PAFAH2: variants seen among roughly 807,000 people sequenced by gnomAD.
The protein encoded by PAFAH2 is platelet activating factor acetylhydrolase 2, also known as platelet-activating factor acetylhydrolase 2, cytoplasmic.
In PAFAH2, 42 loss-of-function variants were observed where a neutral mutation model predicts 49.0. The ratio of observed to expected loss-of-function variants is 0.86; its 90% CI spans 0.67 to 1.11. PAFAH2 has a LOEUF of 1.11. Ranked by LOEUF, PAFAH2 falls within the 50% of genes least tolerant of loss-of-function variation. The probability of loss-of-function intolerance (pLI) is 0.00; values close to 1 mark genes in which losing one functional copy is unlikely to be tolerated. For missense variants in PAFAH2, 503 were observed against 501.8 expected (o/e 1.00, Z -0.02); for synonymous variants, 184 against 181.3 (o/e 1.01, Z -0.12).
At chr1:25,982,315 G>A (rs769770881) in intron 7 of PAFAH2, 49 bp downstream of exon 7, 8 of 1,348,042 alleles carry the variant, frequency 5.9e-6, no homozygotes, top group East Asian at 4.6e-5. Flanking sequence ...ACTTGTAACC[G>A]AGAAAACCCT....
At chr1:25,982,551 G>T in intron 6 of PAFAH2, 74 bp from the exon 7 acceptor site, 1 of 1,176,068 alleles carries the variant, frequency 8.5e-7, no homozygotes, top group African/African-American at 1.5e-5. Flanking sequence ...CACGTACAGA[G>T]CCAAGGAAGA....
chr1:25,965,748 G>A (rs1390689868), intron 10 of PAFAH2, among the ~76,000 whole-genome samples: 1 of 147,574 alleles, frequency 6.8e-6, no homozygotes, highest in Non-Finnish European at 1.5e-5. Context: ...AACCTGGGGG[G>A]CAGAGGTCAC....
rs139372707 is a variant in PAFAH2 at position 25,988,297 on chromosome 1, C to T, written c.275G>A (p.Gly92Asp). The change falls in exon 4 of 11, where the codon GGC (glycine) becomes GAC (aspartate). Residue 92 changes from glycine (G) to aspartate (D), a missense_variant. Physicochemically the swap from Gly to Asp is moderately conservative, Grantham distance 94. Coordinates refer to ENST00000374282, the MANE Select transcript of PAFAH2 (RefSeq NM_000437.4). ...TCCAGAGTCCTTTGTCTTAAAGGGG[C>T]CATTCCAGCTAACAGGCAGGCGACA... ...GSCRLPVSWN[G>D]PFKTKDSGYP... The T allele has an allele frequency of 7.1e-5, 114 of 1,610,894 alleles. 1 individual carries two copies. The Middle Eastern group carries it at 1.5e-3, about 21-fold the overall frequency.
chr1:25,978,196 T>C (rs1250696429), intron 7 of PAFAH2, among the ~76,000 whole-genome samples: 2 of 151,968 alleles, frequency 1.3e-5, no homozygotes, highest in African/African-American at 4.8e-5. Flanking sequence ...GGATGGCCTC[T>C]TCAACATTAA....
At chr1:25,992,534 C>A (rs2049890357) in intron 1 of PAFAH2, among the ~76,000 whole-genome samples, 2 of 152,144 alleles carry the variant, frequency 1.3e-5, no homozygotes, top group South Asian at 4.1e-4. Context: ...TTACTCTGTG[C>A]CAGGAACTAT....
At chr1:25,977,123 C>T (rs1482555010) in intron 7 of PAFAH2, among the ~76,000 whole-genome samples, 1 of 147,890 alleles carries the variant, frequency 6.8e-6, no homozygotes, top group Non-Finnish European at 1.5e-5. Context: ...CCCGGGTTCA[C>T]GCCATTCTCC....
intron 1 of PAFAH2, among the ~76,000 whole-genome samples, chr1:25,993,705 C>CT (rs1233535130): frequency 2.0e-5 from 3 of 152,124 alleles, no homozygotes; most frequent in African/African-American, 7.2e-5. Flanking sequence ...ATGAGCTCTG[C>CT]TTAGCCTGAG....
rs781026566 is a variant in PAFAH2 at position 25,989,645 on chromosome 1, G to A, written c.91-44C>T. On this transcript the variant is annotated intron_variant, in intron 2 of 10. Coordinates refer to ENST00000374282, the MANE Select transcript of PAFAH2 (RefSeq NM_000437.4). ...CAGCTGCTCAGAGCAAGGAGCCCAG[G>A]CTAGATTTCCCAACAGCCACACTCA... 1.3e-5 allele frequency: 18 copies of A among 1,404,536 alleles called. No homozygotes were observed. In the Admixed American group the frequency reaches 5.6e-4, roughly 43 times the overall value. 87.0% of individuals were successfully genotyped at this position (1,404,536 alleles called of 1,614,324 possible). A position where few individuals can be genotyped will look rare whatever the true frequency, so the allele number is the denominator to read the frequency against.
rs184455179 is a variant in PAFAH2 at position 25,978,143 on chromosome 1, A to C, written c.667-1370T>G. ...GTCTATTCCAAGGCTTTGTACCTAA[A>C]TCCTCCCCCTTCACTCAGTACCCTC... is the stretch of plus-strand genomic sequence containing the variant. On this transcript the variant is annotated intron_variant, in intron 7 of 10. Coordinates refer to ENST00000374282, the MANE Select transcript of PAFAH2 (RefSeq NM_000437.4). 1.1e-3 allele frequency among the ~76,000 whole-genome samples: 170 copies of C among 152,070 alleles called. 2 individuals are homozygous for C. Among genetic ancestry groups the C allele is most frequent in the South Asian group, 2.5e-3 (12 of 4,820 alleles).
chr1:25,963,545 A>AC (rs2049373172), intron 10 of PAFAH2, among the ~76,000 whole-genome samples: 1 of 152,082 alleles, frequency 6.6e-6, no homozygotes, highest in Admixed American at 6.6e-5. Flanking sequence ...TTGCTCTGTC[A>AC]CCAGGCTGGA....
At chr1:25,975,854 A>C (rs2049580162) in intron 8 of PAFAH2, among the ~76,000 whole-genome samples, 1 of 152,148 alleles carries the variant, frequency 6.6e-6, no homozygotes, top group Non-Finnish European at 1.5e-5. Flanking sequence ...CTCTGTTGAA[A>C]ATCTTCAACA....
chr1:25,996,318 T>C lies in PAFAH2; in HGVS notation c.-48+1707A>G, dbSNP rs577507855. Among the ~76,000 whole-genome samples the C allele has an allele frequency of 9.2e-5, 14 of 152,168 alleles. No homozygotes were observed. The East Asian group carries it at 1.9e-3, about 21-fold the overall frequency. ...AGCCGGAGGCCACAGTGAACCAAGA[T>C]TGTGCCACTGCACTTCGGCCTGGGT... On this transcript the variant is annotated intron_variant, in intron 1 of 10. Coordinates refer to ENST00000374282, the MANE Select transcript of PAFAH2 (RefSeq NM_000437.4).
chr1:25,983,957 G>A lies in PAFAH2; in HGVS notation c.541C>T (p.Arg181Trp), dbSNP rs1203052098. The change falls in exon 6 of 11, where the codon CGG becomes TGG. Residue 181 changes from arginine to tryptophan, a missense_variant. Coordinates refer to ENST00000374282, the MANE Select transcript of PAFAH2 (RefSeq NM_000437.4). ...TGGCACAAACTTACCTGGGGATTCC[G>A]AACATGAAATTCCTTCTCCCCTTCC... ...VEEGEKEFHVRNPQVHQRVSE... is the reference protein window; with the variant it reads ...VEEGEKEFHVWNPQVHQRVSE... 20 of 1,614,050 alleles carry A rather than the reference G, an allele frequency of 1.2e-5. 1 individual carries two copies. Among genetic ancestry groups the A allele is most frequent in the East Asian group, 2.2e-5 (1 of 44,880 alleles).
In PAFAH2 at chr1:25,960,951, G is replaced by A. The variant is rs904727923; in HGVS notation, c.*1038C>T. 6.6e-6 allele frequency: 1 copy of A among 151,928 alleles called. No homozygotes were observed. The highest frequency in any genetic ancestry group is 1.5e-5 in the Non-Finnish European group (1 of 67,998). 9.4% of individuals were successfully genotyped at this position (151,928 alleles called of 1,614,324 possible). On this transcript the variant is annotated 3_prime_UTR_variant, in exon 11 of 11. Coordinates refer to ENST00000374282, the MANE Select transcript of PAFAH2 (RefSeq NM_000437.4). The stretch of plus-strand genomic sequence containing the variant: ...CTCCTGAGTAGCTGGGATTATAGGC[G>A]CCTGCCATTACGCCAGGCTAATTTT...
intron 1 of PAFAH2, chr1:25,997,494 A>G (rs542113873): frequency 4.6e-5 from 7 of 152,342 alleles, no homozygotes; most frequent in African/African-American, 1.4e-4. Context: ...AGAGGAAGAA[A>G]CTGAGTCCCA....
At chr1:25,987,003 G>A (rs1337475766) in intron 4 of PAFAH2, among the ~76,000 whole-genome samples, 1 of 151,524 alleles carries the variant, frequency 6.6e-6, no homozygotes, top group Non-Finnish European at 1.5e-5. Context: ...TAGCACTTTG[G>A]GAGGCTGAGG....
intron 10 of PAFAH2, among the ~76,000 whole-genome samples, chr1:25,968,628 C>T (rs2049463231): frequency 6.6e-6 from 1 of 152,130 alleles, no homozygotes; most frequent in Non-Finnish European, 1.5e-5. Flanking sequence ...TTCAGCTGAG[C>T]CACTTACAGC....
At chr1:25,978,589 A>G (rs894135952) in intron 7 of PAFAH2, among the ~76,000 whole-genome samples, 7 of 152,244 alleles carry the variant, frequency 4.6e-5, no homozygotes, top group Non-Finnish European at 7.3e-5. Context: ...TCTAGCCAAC[A>G]GAATGTGAGC....
intron 4 of PAFAH2, 44 bp downstream of exon 4, chr1:25,988,187 C>T (rs777432505): frequency 1.6e-6 from 2 of 1,266,738 alleles, no homozygotes; most frequent in Admixed American, 4.7e-5. Flanking sequence ...GCAGCTGTCA[C>T]CAGGCAAGGA....
Sources: allele counts gnomAD v4.1 joint callset (sites outside exome capture counted in the v4.1 genomes callset), GRCh38; gene constraint gnomAD v4.1.1; transcripts MANE v1.5; gene names NCBI Gene and HGNC (gene_info 2026-07-23, HGNC 2026-07-21).